PDZK1: variants seen among roughly 807,000 people sequenced by gnomAD.
PDZK1 encodes Na(+)/H(+) exchange regulatory cofactor NHE-RF3.
In PDZK1, 23 loss-of-function variants were observed where a neutral mutation model predicts 38.1. The observed-to-expected ratio is 0.60, with a 90% confidence interval of 0.43 to 0.85. The LOEUF (loss-of-function observed/expected upper bound fraction) is 0.85, where lower values mean the gene tolerates loss of function less well. Among genes scored for constraint, PDZK1 ranks in the 40% least tolerant of loss-of-function variants. The pLI is 0.00. For synonymous variants in PDZK1, 98 were observed against 186.2 expected (o/e 0.53, Z 3.86); for missense variants, 297 against 504.3 (o/e 0.59, Z 3.94).
Position 145,698,504 on chromosome 1 carries a change from G to T in PDZK1, c.-3+8813C>A, listed in dbSNP as rs192789529. Among the ~76,000 whole-genome samples, 1,235 of 152,230 alleles carry T rather than the reference G, an allele frequency of 8.1e-3. 8 individuals carry two copies. The highest frequency in any genetic ancestry group is 0.012 in the Non-Finnish European group (805 of 68,008). On this transcript the variant is annotated intron_variant, in intron 1 of 8. Coordinates refer to ENST00000417171, the MANE Select transcript of PDZK1 (RefSeq NM_001201325.2). ...TTAAAATGTCTAAGAAACAACTTAG[G>T]TTAAAATATATATATATAATAAACT...
At chr1:145,671,691 G>A (rs1402580440) in intron 8 of PDZK1, 7 of 552,678 alleles carry the variant, frequency 1.3e-5, no homozygotes, top group Non-Finnish European at 2.3e-5. Context: ...ACCCCCAGAA[G>A]AGCCTGAATC....
chr1:145,692,509 G>C (rs1471719807), intron 1 of PDZK1, among the ~76,000 whole-genome samples: 1 of 151,156 alleles, frequency 6.6e-6, no homozygotes, highest in Admixed American at 6.6e-5. Context: ...TCAGGAGTTA[G>C]AGACCAGCCT....
chr1:145,704,620 C>A (rs1553705435), intron 1 of PDZK1, among the ~76,000 whole-genome samples: 1 of 152,146 alleles, frequency 6.6e-6, no homozygotes, highest in African/African-American at 2.4e-5. Context: ...GGTTTCCAAT[C>A]CCAGTGCTCA....
At chr1:145,704,565 G>T (rs1656149709) in intron 1 of PDZK1, among the ~76,000 whole-genome samples, 1 of 152,120 alleles carries the variant, frequency 6.6e-6, no homozygotes, top group South Asian at 2.1e-4. Flanking sequence ...ATGCCCATTT[G>T]ACTGACAAGG....
In PDZK1 at chr1:145,686,512, C is replaced by T; in HGVS notation, c.425G>A (p.Gly142Glu). The change falls in exon 3 of 9, where the codon GGA becomes GAA. Residue 142 changes from glycine to glutamate, a missense_variant. Gly to Glu is a moderately conservative substitution (Grantham distance 98). Around this residue, in one of 5 missense-constraint regions of PDZK1, gnomAD observed 159 missense variants for 200.0 expected, o/e 0.79. Transcript: ENST00000417171. ...TTTCAGAGAGAAGCCATAGCTGCCTCCTTCCTTCACGAGATAGCAGAGCCG... is the reference window on the plus strand; with the variant it reads ...TTTCAGAGAGAAGCCATAGCTGCCTTCTTCCTTCACGAGATAGCAGAGCCG... Reference protein sequence around the residue: ...QPRLCYLVKEGGSYGFSLKTV... With the variant: ...QPRLCYLVKEEGSYGFSLKTV... 6.2e-7 allele frequency: 1 copy of T among 1,612,030 alleles called. No individual in the cohort carries two copies. Among genetic ancestry groups the T allele is most frequent in the South Asian group, 1.1e-5 (1 of 90,990 alleles).
intron 5 of PDZK1, among the ~76,000 whole-genome samples, chr1:145,680,019 T>C (rs1440199495): frequency 1.3e-5 from 2 of 152,170 alleles, no homozygotes; most frequent in Non-Finnish European, 2.9e-5. Context: ...CTATTCATGT[T>C]ACAAAGCCTG....
intron 1 of PDZK1, among the ~76,000 whole-genome samples, chr1:145,703,571 C>T (rs1553705290): frequency 1.3e-5 from 2 of 152,044 alleles, no homozygotes; most frequent in African/African-American, 4.8e-5. Context: ...ATTCCTTCCA[C>T]CATCTACCCT....
chr1:145,671,303 TGA>T lies in PDZK1; in HGVS notation c.*131_*132del. Reference sequence around the variant, plus strand: ...GATAACAGAAGACAATCACACATGGTGAATGGTTTCCAGTGGAGTTTTTCTTC... The same window carrying T: ...GATAACAGAAGACAATCACACATGGTATGGTTTCCAGTGGAGTTTTTCTTC... On this transcript the variant is annotated 3_prime_UTR_variant, in exon 9 of 9. Coordinates refer to ENST00000417171, the MANE Select transcript of PDZK1 (RefSeq NM_001201325.2). The T allele has an allele frequency of 6.8e-7, 1 of 1,464,536 alleles. No individual in the cohort carries two copies. Among genetic ancestry groups the T allele is most frequent in the East Asian group, 2.6e-5 (1 of 39,206 alleles). 90.7% of individuals were successfully genotyped at this position (1,464,536 alleles called of 1,614,324 possible).
At chr1:145,687,601 CG>C (rs1444994974) in intron 2 of PDZK1, among the ~76,000 whole-genome samples, 2 of 151,098 alleles carry the variant, frequency 1.3e-5, no homozygotes, top group Non-Finnish European at 2.9e-5. Context: ...TTAGACCTAA[CG>C]CTATTCAAAT....
In PDZK1 at chr1:145,702,839, G is replaced by A. The variant is rs1656040462; in HGVS notation, c.-3+4478C>T. 2.0e-5 allele frequency among the ~76,000 whole-genome samples: 3 copies of A among 152,190 alleles called. No homozygotes were observed. In the South Asian group the frequency reaches 6.2e-4, roughly 32 times the overall value. On this transcript the variant is annotated intron_variant, in intron 1 of 8. Coordinates refer to ENST00000417171, the MANE Select transcript of PDZK1 (RefSeq NM_001201325.2). ...ACCCAAGAGGCGGAGCTTGCAGTGA[G>A]CCAAGATCGTGCCACTGCACCCCAG...
At chr1:145,690,825 C>A (rs1655186183) in intron 1 of PDZK1, among the ~76,000 whole-genome samples, 1 of 152,178 alleles carries the variant, frequency 6.6e-6, no homozygotes, top group Admixed American at 6.5e-5. Flanking sequence ...ACCTGTGAGC[C>A]TGACATACAA....
intron 1 of PDZK1, among the ~76,000 whole-genome samples, chr1:145,706,336 C>A (rs1553705738): frequency 2.0e-5 from 3 of 152,156 alleles, no homozygotes; most frequent in African/African-American, 7.2e-5. Context: ...CAAAGATAAG[C>A]ACAAGTTACT....
At chr1:145,694,206 C>T (rs1655481209) in intron 1 of PDZK1, among the ~76,000 whole-genome samples, 1 of 152,210 alleles carries the variant, frequency 6.6e-6, no homozygotes, top group Non-Finnish European at 1.5e-5. Context: ...AAGCTGAGGC[C>T]ATTCCTCATC....
At chr1:145,675,998 A>T (rs1553699173) in intron 6 of PDZK1, among the ~76,000 whole-genome samples, 3 of 151,990 alleles carry the variant, frequency 2.0e-5, no homozygotes, top group Admixed American at 6.6e-5. Flanking sequence ...AGCTTGGACA[A>T]CAGCGGGAGA....
intron 1 of PDZK1, among the ~76,000 whole-genome samples, chr1:145,693,630 C>T (rs1018975936): frequency 7.9e-5 from 12 of 151,914 alleles, no homozygotes; most frequent in African/African-American, 2.4e-4. Context: ...AAAAATTAGC[C>T]GGGCGTGGTG....
intron 1 of PDZK1, chr1:145,691,711 A>C (rs2101914317): frequency 6.6e-6 from 1 of 152,238 alleles, no homozygotes; most frequent in Non-Finnish European, 1.5e-5. Context: ...CGGGAGGCTT[A>C]GTTGGGAGGA....
At chr1:145,705,658 A>G (rs1476628295) in intron 1 of PDZK1, among the ~76,000 whole-genome samples, 3 of 152,190 alleles carry the variant, frequency 2.0e-5, no homozygotes, top group Non-Finnish European at 4.4e-5. Flanking sequence ...AGGTTTCCCA[A>G]GTGACTGCAA....
chr1:145,675,693 T>C (rs1360275693), intron 6 of PDZK1, among the ~76,000 whole-genome samples: 5 of 152,124 alleles, frequency 3.3e-5, no homozygotes, highest in African/African-American at 4.8e-5. Context: ...TCGCAGCTCA[T>C]CTCGAGGCAA....
chr1:145,703,643 G>A (rs1027703573), intron 1 of PDZK1, among the ~76,000 whole-genome samples: 8 of 152,048 alleles, frequency 5.3e-5, no homozygotes, highest in Non-Finnish European at 8.8e-5. Flanking sequence ...CTAGGAAGAG[G>A]AAGTCATCCC....
Sources: allele counts gnomAD v4.1 joint callset (sites outside exome capture counted in the v4.1 genomes callset), GRCh38; gene constraint gnomAD v4.1.1; regional missense constraint gnomAD v4.1.1; transcripts MANE v1.5; gene names NCBI Gene and HGNC (gene_info 2026-07-23, HGNC 2026-07-21).